Variants in SZT2 observed in about 807,000 individuals in gnomAD.
The protein encoded by SZT2 is SZT2 subunit of KICSTOR complex.
SZT2 carries 216 observed loss-of-function variants against 404.2 expected under a neutral mutation model. That is an observed-to-expected ratio of 0.53 (90% CI 0.48 to 0.60). The LOEUF (loss-of-function observed/expected upper bound fraction) is 0.60, where lower values mean the gene tolerates loss of function less well. Ranked by LOEUF, SZT2 falls within the 20% of genes least tolerant of loss-of-function variation. The pLI, the probability that SZT2 is intolerant of heterozygous loss-of-function variation, is 0.00. For missense variants in SZT2, 3,857 were observed against 4,459.2 expected (o/e 0.86, Z 3.85); for synonymous variants, 1,693 against 1,749.9 (o/e 0.97, Z 0.81).
chr1:43,424,381 C>A lies in SZT2; in HGVS notation c.2420C>A (p.Ala807Asp), dbSNP rs1202505484. Residue 807 changes from alanine to aspartate, a missense_variant, in exon 16 of 72, where the codon GCC (alanine) becomes GAC (aspartate). Ala to Asp is a moderately radical substitution (Grantham distance 126). Transcript: ENST00000634258. The surrounding 1 kb of genome is among the most constrained non-coding windows in gnomAD (Gnocchi z 4.1). Reference sequence around the variant, plus strand: ...CTTTGGAGTGTCCCGTCAGGACTGGCCCCTGCGCTGCCTCTCAGTGCCATT... The same window carrying A: ...CTTTGGAGTGTCCCGTCAGGACTGGACCCTGCGCTGCCTCTCAGTGCCATT... ...RWLWSVPSGL[A>D]PALPLSAIAQ... 6.3e-7 allele frequency: 1 copy of A among 1,598,088 alleles called. No individual in the cohort carries two copies. The highest frequency in any genetic ancestry group is 1.3e-5 in the African/African-American group (1 of 74,972).
In SZT2 at chr1:43,450,555, C is replaced by T; in HGVS notation, c.*75C>T. ...ACCAGATTGCCTGCCAGAGGCAGGACTGACCAGCCCTTCTGGGCCCCAGGG... is the reference window on the plus strand; with the variant it reads ...ACCAGATTGCCTGCCAGAGGCAGGATTGACCAGCCCTTCTGGGCCCCAGGG... On this transcript the variant is annotated 3_prime_UTR_variant, in exon 72 of 72. Transcript: ENST00000634258. This position sits in a 1 kb window ranked among gnomAD's most constrained non-coding sequence, Gnocchi z 4.3. The T allele has an allele frequency of 6.3e-7, 1 of 1,585,952 alleles. No homozygotes were observed. Among genetic ancestry groups the T allele is most frequent in the Non-Finnish European group, 8.6e-7 (1 of 1,161,902 alleles).
Position 43,416,121 on chromosome 1 carries a change from G to A in SZT2, c.772+20G>A. ...GTGCAGGTCAGTAGAAGGAATATTG[G>A]TGGGACTGGGGAAGCAGGGATACAG... On this transcript the variant is annotated intron_variant, in intron 6 of 71. Coordinates refer to ENST00000634258, the MANE Select transcript of SZT2 (RefSeq NM_001365999.1). 1 of 1,596,806 alleles carries A rather than the reference G, an allele frequency of 6.3e-7. No individual in the cohort carries two copies. The highest frequency in any genetic ancestry group is 8.5e-7 in the Non-Finnish European group (1 of 1,178,794).
At position 43,424,410 on chromosome 1, in the gene SZT2, C is replaced by T; in HGVS notation, c.2449C>T (p.Gln817Ter). ...TGCGCTGCCTCTCAGTGCCATTGCC[C>T]AGCTCCTCTCCATCCTCACTGAGTA... ...APALPLSAIA[Q>*]LLSILTEVRL... Residue 817 changes from glutamine (Q) to a stop codon, truncating the protein, a stop_gained, in exon 16 of 72, where the codon CAG becomes TAG. Transcript: ENST00000634258. LOFTEE classifies it high-confidence loss of function. The surrounding 1 kb of genome is among the most constrained non-coding windows in gnomAD (Gnocchi z 4.1). 6.3e-7 allele frequency: 1 copy of T among 1,597,888 alleles called. No homozygotes were observed. Among genetic ancestry groups the T allele is most frequent in the Non-Finnish European group, 8.5e-7 (1 of 1,179,576 alleles).
At position 43,453,644 on chromosome 1, in the gene SZT2, G is replaced by A. The variant is rs1028691456; in HGVS notation, c.*3164G>A. On this transcript the variant is annotated 3_prime_UTR_variant, in exon 72 of 72. Transcript: ENST00000634258. Reference sequence around the variant, plus strand: ...GCCGCAGCCCCGCTTCTCGCGCGGCGCGCGCCAGCGCCTCAGGCGTCTCCG... The same window carrying A: ...GCCGCAGCCCCGCTTCTCGCGCGGCACGCGCCAGCGCCTCAGGCGTCTCCG... 3.4e-6 allele frequency: 5 copies of A among 1,490,370 alleles called. No individual in the cohort carries two copies. In the African/African-American group the frequency reaches 7.3e-5, roughly 22 times the overall value. 92.3% of individuals were successfully genotyped at this position (1,490,370 alleles called of 1,614,324 possible).
At position 43,450,534 on chromosome 1, in the gene SZT2, G is replaced by A; in HGVS notation, c.*54G>A. 2.5e-6 allele frequency: 4 copies of A among 1,607,768 alleles called. No individual in the cohort carries two copies. The South Asian group carries it at 4.4e-5, about 18-fold the overall frequency. On this transcript the variant is annotated 3_prime_UTR_variant, in exon 72 of 72. Coordinates refer to ENST00000634258, the MANE Select transcript of SZT2 (RefSeq NM_001365999.1). This position sits in a 1 kb window ranked among gnomAD's most constrained non-coding sequence, Gnocchi z 4.3. Reference sequence around the variant, plus strand: ...TGTTCCTTGAATCATGGGCCTACCAGATTGCCTGCCAGAGGCAGGACTGAC... The same window carrying A: ...TGTTCCTTGAATCATGGGCCTACCAAATTGCCTGCCAGAGGCAGGACTGAC...
chr1:43,440,088 A>C, intron 51 of SZT2, 40 bp downstream of exon 51: 6 of 1,611,920 alleles, frequency 3.7e-6, no homozygotes, highest in Non-Finnish European at 4.2e-6. Flanking sequence ...AGAGAATGTC[A>C]CAGATCCAAG....
chr1:43,434,922 C>G (rs981400008), intron 41 of SZT2, among the ~76,000 whole-genome samples: 1 of 152,204 alleles, frequency 6.6e-6, no homozygotes, highest in South Asian at 2.1e-4. Flanking sequence ...GGGATCTGAC[C>G]ATCTGAAGTA....
In SZT2 at chr1:43,447,583, C is replaced by T; in HGVS notation, c.9325C>T (p.Gln3109Ter). 6.2e-7 allele frequency: 1 copy of T among 1,614,172 alleles called. No individual in the cohort carries two copies. Among genetic ancestry groups the T allele is most frequent in the Admixed American group, 1.7e-5 (1 of 60,024 alleles). ...ELPTPLIAAH[Q>*]LYNYVADHAS... ...CCCCACACCACTCATTGCTGCCCAC[C>T]AGCTATACAACTACGTGGCTGATCA... The change falls in exon 67 of 72, where the codon CAG (glutamine) becomes TAG (stop). Residue 3109 changes from glutamine (Q) to a stop codon, truncating the protein, a stop_gained. Coordinates refer to ENST00000634258, the MANE Select transcript of SZT2 (RefSeq NM_001365999.1). LOFTEE classifies it high-confidence loss of function.
chr1:43,451,303 CT>C lies in SZT2; in HGVS notation c.*824del. 1 of 1,613,958 alleles carries C rather than the reference CT, an allele frequency of 6.2e-7. No homozygotes were observed. ...GAACGTAGCCAACTCAAGCCCTCTA[CT>C]GTGTCTCCTGCAGGGAGAGGGAGGC... On this transcript the variant is annotated 3_prime_UTR_variant, in exon 72 of 72. Transcript: ENST00000634258.
At chr1:43,423,895 TAAG>T (rs1652805787) in intron 15 of SZT2, among the ~76,000 whole-genome samples, 1 of 141,154 alleles carries the variant, frequency 7.1e-6, no homozygotes, top group Admixed American at 7.0e-5. Context: ...GTATGAGTGG[TAAG>T]GAGTGTGGAA....
In SZT2 at chr1:43,431,782, G is replaced by A. The variant is rs749118650; in HGVS notation, c.5155G>A (p.Ala1719Thr). 1.2e-6 allele frequency: 2 copies of A among 1,614,108 alleles called. No homozygotes were observed. Among genetic ancestry groups the A allele is most frequent in the Non-Finnish European group, 1.7e-6 (2 of 1,180,038 alleles). ...AAGAGGGGGCATCCCACAGAGTCCT[G>A]CCCTGCACCGCGCAGCTGCCCATAT... Reference protein sequence around the residue: ...LRRGGIPQSPALHRAAAHIHS... With the variant: ...LRRGGIPQSPTLHRAAAHIHS... The change falls in exon 36 of 72, where the codon GCC (alanine) becomes ACC (threonine). Residue 1719 changes from alanine (A) to threonine (T), a missense_variant. Physicochemically the swap from Ala to Thr is moderately conservative, Grantham distance 58. Coordinates refer to ENST00000634258, the MANE Select transcript of SZT2 (RefSeq NM_001365999.1).
rs1310274253 is a variant in SZT2 at position 43,427,725 on chromosome 1, T to C, written c.3794T>C (p.Leu1265Pro). 3.1e-6 allele frequency: 5 copies of C among 1,613,312 alleles called. No individual in the cohort carries two copies. In the South Asian group the frequency reaches 5.5e-5, roughly 18 times the overall value. Residue 1265 changes from leucine (L) to proline (P), a missense_variant, in exon 26 of 72, where the codon CTC (leucine) becomes CCC (proline). By Grantham distance (98) the Leu-to-Pro change is moderately conservative. Around this residue, in one of 7 missense-constraint regions of SZT2, gnomAD observed 1,725 missense variants for 1,881.0 expected, o/e 0.92. Coordinates refer to ENST00000634258, the MANE Select transcript of SZT2 (RefSeq NM_001365999.1). The part of the protein sequence containing the change: ...GMQPPQAPRD[L>P]IFRTQFLDHP... ...CAGCCCCCTCAGGCGCCCCGAGACC[T>C]CATCTTCCGGTGAGTGCCTTCAGTG... is the stretch of plus-strand genomic sequence containing the variant.
intron 40 of SZT2, among the ~76,000 whole-genome samples, chr1:43,433,562 A>C (rs979705418): frequency 1.3e-5 from 2 of 152,208 alleles, no homozygotes; most frequent in African/African-American, 4.8e-5. Flanking sequence ...CAGGCGGATC[A>C]CTTGAGGTTA....
Position 43,397,543 on chromosome 1 carries a change from AGATGGATGGAGT to A in SZT2, c.28-5633_28-5622del, listed in dbSNP as rs1173628714. Reference sequence around the variant, plus strand: ...AAATTCTTTTTTTTTTGAGATGGAGAGATGGATGGAGTCTTGCTCTGTTGCCCAGGCTGGAGT... The same window carrying A: ...AAATTCTTTTTTTTTTGAGATGGAGACTTGCTCTGTTGCCCAGGCTGGAGT... On this transcript the variant is annotated intron_variant, in intron 1 of 71. Coordinates refer to ENST00000634258, the MANE Select transcript of SZT2 (RefSeq NM_001365999.1). Among the ~76,000 whole-genome samples, 155 of 150,000 alleles carry A rather than the reference AGATGGATGGAGT, an allele frequency of 1.0e-3. No homozygotes were observed. The East Asian group carries it at 0.021, about 20-fold the overall frequency.
intron 62 of SZT2, chr1:43,445,544 C>A: frequency 3.0e-6 from 1 of 338,722 alleles, no homozygotes; most frequent in Non-Finnish European, 5.7e-6. Flanking sequence ...GGTACCTAAC[C>A]AGGCATCAAG....
Position 43,428,433 on chromosome 1 carries a change from C to G in SZT2, c.4113C>G (p.Ser1371Arg), listed in dbSNP as rs1001442150. 4.3e-6 allele frequency: 7 copies of G among 1,614,054 alleles called. No individual in the cohort carries two copies. Among genetic ancestry groups the G allele is most frequent in the African/African-American group, 2.7e-5 (2 of 74,916 alleles). Residue 1371 changes from serine (S) to arginine (R), a missense_variant, in exon 28 of 72, where the codon AGC becomes AGG. This residue lies in a region of SZT2 where 1,725 missense variants were observed against 1,881.0 expected (regional missense o/e 0.92). Coordinates refer to ENST00000634258, the MANE Select transcript of SZT2 (RefSeq NM_001365999.1). ...TCAGCCCTGGGCCCTTCAGCAGCAG[C>G]ATGGAGGAGGGTGCTGAACCTCGGG... The part of the protein sequence containing the change: ...GPLSPGPFSS[S>R]MEEGAEPRER...
intron 15 of SZT2, among the ~76,000 whole-genome samples, chr1:43,423,675 G>C (rs1392768728): frequency 6.7e-6 from 1 of 149,586 alleles, no homozygotes; most frequent in Non-Finnish European, 1.5e-5. Flanking sequence ...GCCTAGTGGG[G>C]TATGAGTGGT....
intron 1 of SZT2, among the ~76,000 whole-genome samples, chr1:43,401,911 C>T (rs1032536202): frequency 6.6e-6 from 1 of 152,080 alleles, no homozygotes; most frequent in Non-Finnish European, 1.5e-5. Context: ...ATCTTTTTAC[C>T]CCTTCCTTCT....
Position 43,425,338 on chromosome 1 carries a change from G to C in SZT2, c.2645+131G>C. ...CAGGGAGGGGGTGCGGTGTTTAGAT[G>C]CTTCATCAGGCAGACGCTGGTCTGG... On this transcript the variant is annotated intron_variant, in intron 18 of 71. Transcript: ENST00000634258. This position sits in a 1 kb window ranked among gnomAD's most constrained non-coding sequence, Gnocchi z 4.3. 2 of 1,502,210 alleles carry C rather than the reference G, an allele frequency of 1.3e-6. No individual in the cohort carries two copies. The highest frequency in any genetic ancestry group is 1.8e-6 in the Non-Finnish European group (2 of 1,096,080). 93.1% of individuals were successfully genotyped at this position (1,502,210 alleles called of 1,614,324 possible).
Sources: allele counts gnomAD v4.1 joint callset (sites outside exome capture counted in the v4.1 genomes callset), GRCh38; gene constraint gnomAD v4.1.1; regional missense constraint gnomAD v4.1.1; non-coding constraint Gnocchi (gnomAD v3.1); transcripts MANE v1.5; gene names NCBI Gene and HGNC (gene_info 2026-07-23, HGNC 2026-07-21).